The following SLC25A48 variants were observed in gnomAD, a reference collection of about 807,000 sequenced individuals.
SLC25A48 encodes the protein CTC-321K16.1.
Under a neutral mutation model 32.2 loss-of-function variants are expected in SLC25A48, and 29 were observed. That is an observed-to-expected ratio of 0.90 (90% CI 0.67 to 1.23). The LOEUF is 1.23. Among genes scored for constraint, SLC25A48 ranks in the 50% most tolerant of loss-of-function variants. The probability of loss-of-function intolerance (pLI) is 0.00; values close to 1 mark genes in which losing one functional copy is unlikely to be tolerated. For synonymous variants in SLC25A48, 164 were observed against 172.3 expected (o/e 0.95, Z 0.38); for missense variants, 399 against 422.7 (o/e 0.94, Z 0.49).
At chr5:135,597,379 T>A (rs892120314) in intron 1 of SLC25A48, among the ~76,000 whole-genome samples, 4 of 152,228 alleles carry the variant, frequency 2.6e-5, no homozygotes, top group African/African-American at 9.6e-5. Flanking sequence ...ACCCTCCAGG[T>A]TAGGGCTACC....
At chr5:135,884,091 C>T (rs1313174183) in intron 7 of SLC25A48, among the ~76,000 whole-genome samples, 1 of 152,194 alleles carries the variant, frequency 6.6e-6, no homozygotes, top group Non-Finnish European at 1.5e-5. Context: ...TTTGCCATCC[C>T]TGGCTTAAAT....
intron 3 of SLC25A48, among the ~76,000 whole-genome samples, chr5:135,636,920 C>T (rs1205012574): frequency 1.3e-5 from 2 of 152,212 alleles, no homozygotes; most frequent in Non-Finnish European, 2.9e-5. Flanking sequence ...AGGAACTCCC[C>T]AACTTCTATG....
At chr5:135,709,577 G>A (rs967351215) in intron 3 of SLC25A48, among the ~76,000 whole-genome samples, 3 of 152,352 alleles carry the variant, frequency 2.0e-5, no homozygotes, top group East Asian at 1.9e-4. Flanking sequence ...GCAGGGCGCC[G>A]TGGACCACAT....
At chr5:135,886,673 T>TGA (rs368347571) in intron 7 of SLC25A48, among the ~76,000 whole-genome samples, 16 of 32,688 alleles carry the variant, frequency 4.9e-4, no homozygotes, top group East Asian at 1.1e-3. Context: ...TGTGTGTGTG[T>TGA]GAGAGAGAGA....
chr5:135,651,805 G>T (rs984094407), intron 3 of SLC25A48, among the ~76,000 whole-genome samples: 2 of 152,110 alleles, frequency 1.3e-5, no homozygotes, highest in African/African-American at 4.8e-5. Context: ...ATAGAAGTAT[G>T]GATCTACATA....
At chr5:135,641,767 T>C (rs906570071) in intron 3 of SLC25A48, among the ~76,000 whole-genome samples, 1 of 152,232 alleles carries the variant, frequency 6.6e-6, no homozygotes, top group African/African-American at 2.4e-5. Context: ...ATCTAGTCCA[T>C]GTGCAGTATC....
chr5:135,846,588 C>T (rs1044893559), intron 2 of SLC25A48, among the ~76,000 whole-genome samples: 2 of 152,118 alleles, frequency 1.3e-5, no homozygotes, highest in Admixed American at 6.5e-5. Context: ...GGGTTTTCAG[C>T]TCTGGGATGC....
intron 4 of SLC25A48, among the ~76,000 whole-genome samples, chr5:135,864,279 ATCCAT>A (rs534411020): frequency 5.8e-4 from 89 of 152,328 alleles, no homozygotes; most frequent in African/African-American, 2.1e-3. Context: ...CCCTGAGTGC[ATCCAT>A]TTGTCTCTTT....
At chr5:135,749,985 C>A (rs1755731929) in intron 3 of SLC25A48, among the ~76,000 whole-genome samples, 1 of 152,194 alleles carries the variant, frequency 6.6e-6, no homozygotes, top group African/African-American at 2.4e-5. Flanking sequence ...CAGCTGATAG[C>A]CCTGACACCA....
At chr5:135,818,053 T>TCCTC (rs1757772790) in intron 4 of SLC25A48, among the ~76,000 whole-genome samples, 1 of 46,560 alleles carries the variant, frequency 2.1e-5, no homozygotes, top group African/African-American at 1.0e-4. Flanking sequence ...TTCTCTCTGT[T>TCCTC]CCTCTCTCTC....
At chr5:135,825,475 G>A (rs977946202) in intron 4 of SLC25A48, among the ~76,000 whole-genome samples, 2 of 152,152 alleles carry the variant, frequency 1.3e-5, no homozygotes, top group African/African-American at 4.8e-5. Flanking sequence ...TCCCAGCAGG[G>A]TGCCCTTGGA....
At chr5:135,792,901 C>A (rs10062963) in intron 3 of SLC25A48, among the ~76,000 whole-genome samples, 37,720 of 151,440 alleles carry the variant, frequency 0.25, 5,065 homozygotes, top group East Asian at 0.44. Flanking sequence ...TGGGTGTACA[C>A]CCTGGGATAT....
chr5:135,680,703 A>AT (rs1444395578), intron 3 of SLC25A48, among the ~76,000 whole-genome samples: 1 of 152,132 alleles, frequency 6.6e-6, no homozygotes, highest in Admixed American at 6.5e-5. Flanking sequence ...CAAGAACAGC[A>AT]TGGGAAAAAC....
At chr5:135,583,443 C>T (rs940837110) in intron 1 of SLC25A48, among the ~76,000 whole-genome samples, 2 of 151,928 alleles carry the variant, frequency 1.3e-5, no homozygotes, top group African/African-American at 4.8e-5. Flanking sequence ...TTCCTTCCCC[C>T]ATTCTTTTAG....
chr5:135,851,351 CG>C (rs1300236494), intron 3 of SLC25A48, among the ~76,000 whole-genome samples: 1 of 152,194 alleles, frequency 6.6e-6, no homozygotes, highest in Non-Finnish European at 1.5e-5. Context: ...TTGGTGTTCC[CG>C]GGTGATGCTG....
intron 3 of SLC25A48, among the ~76,000 whole-genome samples, chr5:135,801,206 G>GAT (rs1376194414): frequency 6.7e-6 from 1 of 150,294 alleles, no homozygotes; most frequent in Middle Eastern, 3.3e-3. Flanking sequence ...GGTAGGGGAT[G>GAT]ATATTACTCC....
intron 3 of SLC25A48, among the ~76,000 whole-genome samples, chr5:135,808,320 T>C (rs1225278348): frequency 2.0e-5 from 3 of 151,566 alleles, no homozygotes; most frequent in African/African-American, 7.3e-5. Flanking sequence ...ATGCTATATA[T>C]CTATGAATTA....
At chr5:135,709,281 C>T (rs1754596461) in intron 3 of SLC25A48, among the ~76,000 whole-genome samples, 1 of 152,232 alleles carries the variant, frequency 6.6e-6, no homozygotes, top group Non-Finnish European at 1.5e-5. Flanking sequence ...GGCCTGGACT[C>T]CCTAGCCTTG....
rs113477081 is a variant in SLC25A48 at position 135,765,888 on chromosome 5, A to ACC, written c.-520-46633_-520-46632dup. Among the ~76,000 whole-genome samples, 299 of 151,044 alleles carry ACC rather than the reference A, an allele frequency of 2.0e-3. 1 individual carries two copies. The highest frequency in any genetic ancestry group is 6.8e-3 in the African/African-American group (278 of 41,104). On this transcript the variant is annotated intron_variant, in intron 3 of 10. Coordinates refer to the SLC25A48 transcript ENST00000646290. ...ATTCCCCACATTGCAGGGGGCATAC[A>ACC]CCCTCCTGTGTTATGGTTCAAGATA...
Sources: gnomAD v4.1 joint callset for allele counts (sites outside exome capture counted in the v4.1 genomes callset) on GRCh38, gnomAD v4.1.1 for gene constraint, MANE v1.5 for transcripts, NCBI Gene and HGNC (gene_info 2026-07-23, HGNC 2026-07-21) for gene names.